The following UBQLN1 variants were observed in gnomAD, a reference collection of about 807,000 sequenced individuals.
UBQLN1 encodes ubiquilin 1, also known as ubiquilin-1.
In UBQLN1, 13 loss-of-function variants were observed where a neutral mutation model predicts 65.4. The observed-to-expected ratio is 0.20, with a 90% CI of 0.13 to 0.32. The LOEUF (loss-of-function observed/expected upper bound fraction) is 0.32, where lower values mean the gene tolerates loss of function less well. Among genes scored for constraint, UBQLN1 ranks in the 10% least tolerant of loss-of-function variants. UBQLN1 has a pLI of 1.00. For synonymous variants in UBQLN1, 267 were observed against 247.8 expected (o/e 1.08, Z -0.73); for missense variants, 561 against 724.0 (o/e 0.77, Z 2.58).
Position 83,679,896 on chromosome 9 carries a change from C to T in UBQLN1, c.590G>A (p.Ser197Asn). Residue 197 changes from serine (S) to asparagine (N), a missense_variant, in exon 4 of 11, where the codon AGC (serine) becomes AAC (asparagine). Ser to Asn is a conservative substitution (Grantham distance 46). Transcript: ENST00000376395. Reference sequence around the variant, plus strand: ...CATCAGGTCAGGATTTGAGAGCATGCTCTGAACAAAGGGATTTTCCATGAT... The same window carrying T: ...CATCAGGTCAGGATTTGAGAGCATGTTCTGAACAAAGGGATTTTCCATGAT... ...VQIMENPFVQSMLSNPDLMRQ... is the reference protein window; with the variant it reads ...VQIMENPFVQNMLSNPDLMRQ... 6.2e-7 allele frequency: 1 copy of T among 1,614,166 alleles called. No homozygotes were observed. The highest frequency in any genetic ancestry group is 1.1e-5 in the South Asian group (1 of 91,082).
intron 1 of UBQLN1, among the ~76,000 whole-genome samples, chr9:83,700,830 A>G (rs1422266797): frequency 6.6e-6 from 1 of 152,204 alleles, no homozygotes; most frequent in Non-Finnish European, 1.5e-5. Flanking sequence ...ATGGAACCGT[A>G]TTACACAGGG....
At position 83,707,737 on chromosome 9, in the gene UBQLN1, G is replaced by A. The variant is rs1273165852; in HGVS notation, c.-58C>T. Reference sequence around the variant, plus strand: ...CAAGCAGGAGGGAGCAGGCGAGCAAGGAGGAGCCAGCAGACACCAGAGCCG... The same window carrying A: ...CAAGCAGGAGGGAGCAGGCGAGCAAAGAGGAGCCAGCAGACACCAGAGCCG... On this transcript the variant is annotated 5_prime_UTR_variant, in exon 1 of 11. Transcript: ENST00000376395. 1.3e-6 allele frequency: 2 copies of A among 1,499,826 alleles called. No homozygotes were observed. The highest frequency in any genetic ancestry group is 4.9e-5 in the Admixed American group (2 of 40,684). The allele number at this position is 1,499,826 out of a possible 1,614,324, so 92.9% of individuals were successfully genotyped here.
chr9:83,664,457 T>G (rs1191149597), intron 9 of UBQLN1, among the ~76,000 whole-genome samples: 1 of 152,074 alleles, frequency 6.6e-6, no homozygotes. Flanking sequence ...TTTTTAACTT[T>G]GAAAACCCTG....
intron 1 of UBQLN1, among the ~76,000 whole-genome samples, chr9:83,694,608 A>AT (rs1832179141): frequency 6.6e-6 from 1 of 152,188 alleles, no homozygotes; most frequent in African/African-American, 2.4e-5. Flanking sequence ...CAGAAAATTT[A>AT]TTTTTTAGAT....
rs1281058523 is a variant in UBQLN1 at position 83,661,454 on chromosome 9, T to C, written c.*333A>G. On this transcript the variant is annotated 3_prime_UTR_variant, in exon 11 of 11. Coordinates refer to ENST00000376395, the MANE Select transcript of UBQLN1 (RefSeq NM_013438.5). The stretch of plus-strand genomic sequence containing the variant: ...TTCTTTTTAATGCTTTTATTCTACA[T>C]AAATTACTACCATAGGCTAATGTTT... 5.2e-6 allele frequency: 1 copy of C among 192,074 alleles called. No individual in the cohort carries two copies. The allele number at this position is 192,074 out of a possible 1,614,324, so 11.9% of individuals were successfully genotyped here.
chr9:83,661,963 T>C lies in UBQLN1; in HGVS notation c.1618-24A>G, dbSNP rs778218868. 81 of 1,598,600 alleles carry C rather than the reference T, an allele frequency of 5.1e-5. No individual in the cohort carries two copies. The Middle Eastern group carries it at 6.7e-4, about 13-fold the overall frequency. ...AGCTATTAAAGAAAAAAAAAATTAA[T>C]CCAACTCTAAAGGAAGCCAGTCCCT... On this transcript the variant is annotated intron_variant, in intron 10 of 10. Coordinates refer to ENST00000376395, the MANE Select transcript of UBQLN1 (RefSeq NM_013438.5).
chr9:83,694,208 C>T (rs4146741), intron 1 of UBQLN1, among the ~76,000 whole-genome samples: 107,058 of 152,110 alleles, frequency 0.7, 38,542 homozygotes, highest in East Asian at 0.88. Flanking sequence ...AGATAAAACA[C>T]ACACAATTTC....
At chr9:83,675,466 G>A (rs868209180) in intron 6 of UBQLN1, among the ~76,000 whole-genome samples, 5 of 131,262 alleles carry the variant, frequency 3.8e-5, no homozygotes, top group South Asian at 2.3e-4. Context: ...TTCCTATGCC[G>A]TCAAAAAAAA....
intron 6 of UBQLN1, among the ~76,000 whole-genome samples, chr9:83,674,787 G>A (rs1055412649): frequency 3.9e-5 from 6 of 152,156 alleles, no homozygotes; most frequent in African/African-American, 1.4e-4. Context: ...AGTCTGAAGT[G>A]ACCGGAAAAT....
At chr9:83,692,923 A>G (rs1246927222) in intron 1 of UBQLN1, among the ~76,000 whole-genome samples, 2 of 152,186 alleles carry the variant, frequency 1.3e-5, no homozygotes, top group Non-Finnish European at 2.9e-5. Context: ...TAAAGGAAGA[A>G]TTTTTGTAAT....
At chr9:83,662,271 TATACACACACACACAC>T (rs1432700720) in intron 10 of UBQLN1, among the ~76,000 whole-genome samples, 7 of 102,336 alleles carry the variant, frequency 6.8e-5, no homozygotes, top group African/African-American at 2.0e-4. Flanking sequence ...TACATATACA[TATACACACACACACAC>T]ACACACACAC....
chr9:83,682,289 A>AT (rs1564166315), intron 3 of UBQLN1, among the ~76,000 whole-genome samples: 1 of 149,906 alleles, frequency 6.7e-6, no homozygotes, highest in Admixed American at 6.6e-5. Context: ...TGTCTCAAAA[A>AT]ATATATATAT....
At chr9:83,678,699 G>A in intron 4 of UBQLN1, 100 bp from the exon 5 acceptor site, 6 of 1,239,026 alleles carry the variant, frequency 4.8e-6, no homozygotes, top group South Asian at 1.5e-5. Context: ...AAGTTTATGG[G>A]AGGCCACTGT....
chr9:83,700,898 G>C (rs1236364860), intron 1 of UBQLN1, among the ~76,000 whole-genome samples: 1 of 152,186 alleles, frequency 6.6e-6, no homozygotes, highest in Non-Finnish European at 1.5e-5. Context: ...TTTACACAGA[G>C]GGTGGCATGC....
At chr9:83,663,140 GGGAAAA>G (rs1417305205) in intron 10 of UBQLN1, among the ~76,000 whole-genome samples, 1 of 150,056 alleles carries the variant, frequency 6.7e-6, no homozygotes, top group African/African-American at 2.4e-5. Context: ...GAAGAGGAAA[GGGAAAA>G]GGGAAAGGGG....
chr9:83,678,022 A>ATTT, intron 5 of UBQLN1, 61 bp from the exon 6 acceptor site: 1 of 1,056,434 alleles, frequency 9.5e-7, no homozygotes, highest in Non-Finnish European at 1.3e-6. Context: ...AAGATATGAA[A>ATTT]CTTTTTTTTT....
intron 1 of UBQLN1, among the ~76,000 whole-genome samples, chr9:83,705,806 C>G (rs1261517934): frequency 6.6e-6 from 1 of 151,794 alleles, no homozygotes; most frequent in Non-Finnish European, 1.5e-5. Flanking sequence ...GCAACAAAGA[C>G]GAAACTCAAA....
chr9:83,701,927 T>C (rs1183287018), intron 1 of UBQLN1, among the ~76,000 whole-genome samples: 2 of 152,288 alleles, frequency 1.3e-5, no homozygotes. Context: ...CACCACGTGA[T>C]AGAAAAATAA....
intron 2 of UBQLN1, among the ~76,000 whole-genome samples, chr9:83,684,825 A>G (rs1217536875): frequency 1.3e-5 from 2 of 150,502 alleles, no homozygotes; most frequent in Non-Finnish European, 3.0e-5. Context: ...AAAAAAAAAA[A>G]AAAGTAAGGA....
Sources: allele counts gnomAD v4.1 joint callset (sites outside exome capture counted in the v4.1 genomes callset), GRCh38; gene constraint gnomAD v4.1.1; transcripts MANE v1.5; gene names NCBI Gene and HGNC (gene_info 2026-07-23, HGNC 2026-07-21).